The following KLHL1 variants were observed in gnomAD, a reference collection of about 807,000 sequenced individuals.
KLHL1 encodes kelch-like protein 1.
A neutral mutation model predicts 77.7 loss-of-function variants in KLHL1; 47 were observed. That is an observed-to-expected ratio of 0.60 (90% confidence interval 0.48 to 0.77). KLHL1 has a LOEUF of 0.77. Ranked by LOEUF, KLHL1 falls within the 30% of genes least tolerant of loss-of-function variation. The pLI, the probability that KLHL1 is intolerant of heterozygous loss-of-function variation, is 0.00. For missense variants in KLHL1, 925 were observed against 910.8 expected (o/e 1.02, Z -0.20); for synonymous variants, 360 against 325.2 (o/e 1.11, Z -1.15).
At chr13:70,010,649 G>T (rs1302132390) in intron 1 of KLHL1, among the ~76,000 whole-genome samples, 1 of 151,958 alleles carries the variant, frequency 6.6e-6, no homozygotes, top group Non-Finnish European at 1.5e-5. Flanking sequence ...CCCAGGACTT[G>T]GGAGGCCAAT....
chr13:69,955,708 A>T (rs144458691), intron 3 of KLHL1, among the ~76,000 whole-genome samples: 1,557 of 150,742 alleles, frequency 0.01, 27 homozygotes, highest in African/African-American at 0.035. Flanking sequence ...ACCTCAGTGC[A>T]TCCTTTCCAA....
chr13:70,001,007 A>T (rs1272986802), intron 1 of KLHL1, among the ~76,000 whole-genome samples: 4 of 151,324 alleles, frequency 2.6e-5, no homozygotes, highest in Non-Finnish European at 5.9e-5. Flanking sequence ...TATAGAAAAT[A>T]TGGATAAGAT....
At chr13:69,823,091 G>A (rs1442294658) in intron 6 of KLHL1, among the ~76,000 whole-genome samples, 2 of 152,160 alleles carry the variant, frequency 1.3e-5, no homozygotes, top group Non-Finnish European at 1.5e-5. Context: ...AGAGGTTTAA[G>A]TGTGAAAGAA....
chr13:69,916,656 G>A (rs939505850), intron 4 of KLHL1, among the ~76,000 whole-genome samples: 16 of 151,766 alleles, frequency 1.1e-4, no homozygotes, highest in African/African-American at 3.4e-4. Flanking sequence ...TGAGTTAGTC[G>A]GTGCAGCACA....
At chr13:69,916,026 A>G (rs1193321405) in intron 4 of KLHL1, among the ~76,000 whole-genome samples, 3 of 152,216 alleles carry the variant, frequency 2.0e-5, no homozygotes, top group Non-Finnish European at 4.4e-5. Flanking sequence ...GATGCAAATC[A>G]AAACCACAAT....
At chr13:70,018,049 C>T (rs1029959571) in intron 1 of KLHL1, among the ~76,000 whole-genome samples, 11 of 105,116 alleles carry the variant, frequency 1.0e-4, no homozygotes, top group African/African-American at 1.7e-4. Context: ...ATAGAACTAG[C>T]GCAAAAAAAA....
chr13:70,023,028 G>C (rs1208569847), intron 1 of KLHL1, among the ~76,000 whole-genome samples: 1 of 151,774 alleles, frequency 6.6e-6, no homozygotes, highest in Non-Finnish European at 1.5e-5. Context: ...GCGTTCCTCT[G>C]GTTAAAGAAT....
At chr13:69,757,594 G>T (rs1481526454) in intron 7 of KLHL1, among the ~76,000 whole-genome samples, 1 of 152,122 alleles carries the variant, frequency 6.6e-6, no homozygotes, top group African/African-American at 2.4e-5. Context: ...CTTAATTTTA[G>T]AATTTGAAAT....
At chr13:69,801,182 A>G (rs895105478) in intron 6 of KLHL1, among the ~76,000 whole-genome samples, 143 of 152,276 alleles carry the variant, frequency 9.4e-4, no homozygotes, top group African/African-American at 3.3e-3. Context: ...CAGAGTCCTG[A>G]CCACTTTTGT....
intron 4 of KLHL1, among the ~76,000 whole-genome samples, chr13:69,933,803 A>C (rs184779231): frequency 6.6e-6 from 1 of 152,012 alleles, no homozygotes; most frequent in African/African-American, 2.4e-5. Flanking sequence ...AGGGGGAAAA[A>C]AAAATACTTG....
At chr13:69,826,354 G>A (rs1220317139) in intron 6 of KLHL1, among the ~76,000 whole-genome samples, 3 of 152,196 alleles carry the variant, frequency 2.0e-5, no homozygotes, top group Non-Finnish European at 2.9e-5. Flanking sequence ...GGAGGCCAAG[G>A]CAGGCAGATC....
chr13:69,879,805 T>A (rs983672580), intron 5 of KLHL1, among the ~76,000 whole-genome samples: 10 of 151,964 alleles, frequency 6.6e-5, no homozygotes, highest in Non-Finnish European at 1.3e-4. Context: ...TGGAGTAAAA[T>A]CTGGTCTTTA....
intron 1 of KLHL1, among the ~76,000 whole-genome samples, chr13:70,067,561 G>A (rs1353430962): frequency 1.3e-5 from 2 of 152,044 alleles, no homozygotes; most frequent in African/African-American, 2.4e-5. Context: ...CAGATCATTC[G>A]AGTGGAATTC....
At chr13:69,857,929 A>G (rs1297483047) in intron 5 of KLHL1, among the ~76,000 whole-genome samples, 6 of 151,968 alleles carry the variant, frequency 3.9e-5, no homozygotes, top group African/African-American at 1.4e-4. Flanking sequence ...ACAGATATAT[A>G]TTTTATACAA....
At chr13:69,939,499 G>T (rs973704382) in intron 4 of KLHL1, among the ~76,000 whole-genome samples, 1 of 151,404 alleles carries the variant, frequency 6.6e-6, no homozygotes, top group Non-Finnish European at 1.5e-5. Context: ...TGACGGAGAG[G>T]TTTAAAAAAT....
rs199630475 is a variant in KLHL1 at position 69,962,693 on chromosome 13, TATG to T, written c.681-1252_681-1250del. 8.0e-3 allele frequency among the ~76,000 whole-genome samples: 1,217 copies of T among 152,220 alleles called. 14 individuals carry two copies. Among genetic ancestry groups the T allele is most frequent in the African/African-American group, 0.027 (1,134 of 41,562 alleles). ...AATGATATTTTAGAATGAAAAAAAT[TATG>T]ATATTTTCAAGTATAATTATGAGAT... On this transcript the variant is annotated intron_variant, in intron 2 of 10. Coordinates refer to ENST00000377844, the MANE Select transcript of KLHL1 (RefSeq NM_020866.3).
intron 7 of KLHL1, among the ~76,000 whole-genome samples, chr13:69,744,447 T>C (rs1593791613): frequency 6.6e-6 from 1 of 151,808 alleles, no homozygotes; most frequent in Middle Eastern, 3.4e-3. Flanking sequence ...TCTTAATTGC[T>C]GAGAGGTTAC....
At chr13:69,938,424 C>T (rs1023632404) in intron 4 of KLHL1, among the ~76,000 whole-genome samples, 3 of 151,778 alleles carry the variant, frequency 2.0e-5, no homozygotes, top group Admixed American at 1.3e-4. Flanking sequence ...TGAAGCATAC[C>T]TTTTAAAGTC....
intron 6 of KLHL1, among the ~76,000 whole-genome samples, chr13:69,817,183 C>T (rs538869254): frequency 5.3e-4 from 81 of 152,184 alleles, no homozygotes; most frequent in African/African-American, 1.9e-3. Context: ...TTAAAATGCC[C>T]TATGCCCCAG....
Sources: allele counts gnomAD v4.1 joint callset (sites outside exome capture counted in the v4.1 genomes callset), GRCh38; gene constraint gnomAD v4.1.1; transcripts MANE v1.5; gene names NCBI Gene and HGNC (gene_info 2026-07-23, HGNC 2026-07-21).